SUGCT: variants seen among roughly 807,000 people sequenced by gnomAD.
SUGCT encodes succinyl-CoA:glutarate-CoA transferase.
A neutral mutation model predicts 55.0 loss-of-function variants in SUGCT; 41 were observed. That is an observed-to-expected ratio of 0.74 (90% CI 0.58 to 0.97). SUGCT has a LOEUF of 0.97. Ranked by LOEUF, SUGCT falls within the 50% of genes least tolerant of loss-of-function variation. SUGCT has a pLI of 0.00. For synonymous variants in SUGCT, 187 were observed against 200.4 expected (o/e 0.93, Z 0.56); for missense variants, 568 against 547.8 (o/e 1.04, Z -0.37).
At chr7:40,874,367 A>C in the SUGCT span, among the ~76,000 whole-genome samples, 1 of 152,336 alleles carries the variant, frequency 6.6e-6, no homozygotes, top group South Asian at 2.1e-4. Flanking sequence ...GAGAGATAGT[A>C]GTCTTGTATG....
the SUGCT span, among the ~76,000 whole-genome samples, chr7:40,896,240 G>A: frequency 6.6e-6 from 1 of 151,980 alleles, no homozygotes; most frequent in Admixed American, 6.5e-5. Context: ...TCCCATTTAT[G>A]ACAGCATTAA....
At chr7:40,806,224 A>C (rs1371418799) in intron 13 of SUGCT, among the ~76,000 whole-genome samples, 1 of 152,170 alleles carries the variant, frequency 6.6e-6, no homozygotes, top group Non-Finnish European at 1.5e-5. Context: ...TTTTGTTCTC[A>C]AAGGTTCCCA....
chr7:40,226,379 G>GA (rs529440034), intron 6 of SUGCT, among the ~76,000 whole-genome samples: 304 of 152,208 alleles, frequency 2.0e-3, no homozygotes, highest in African/African-American at 6.9e-3. Context: ...CAGGTCAATA[G>GA]AAAAAATGAA....
At chr7:40,281,167 T>G (rs950914930) in intron 8 of SUGCT, among the ~76,000 whole-genome samples, 2 of 152,232 alleles carry the variant, frequency 1.3e-5, no homozygotes, top group African/African-American at 4.8e-5. Flanking sequence ...TAAAGTCTTG[T>G]GGGTCTTAAG....
intron 12 of SUGCT, among the ~76,000 whole-genome samples, chr7:40,608,377 G>A (rs1798619447): frequency 1.3e-5 from 2 of 152,028 alleles, no homozygotes; most frequent in East Asian, 1.9e-4. Context: ...GGTCATTTTC[G>A]TAGGGTAACT....
intron 8 of SUGCT, among the ~76,000 whole-genome samples, chr7:40,312,643 G>T (rs139529662): frequency 2.5e-4 from 38 of 152,296 alleles, no homozygotes; most frequent in Middle Eastern, 3.4e-3. Context: ...AAGTGCAGTA[G>T]AAATCAGATA....
intron 9 of SUGCT, among the ~76,000 whole-genome samples, chr7:40,366,483 C>T (rs1240266175): frequency 6.6e-6 from 1 of 152,028 alleles, no homozygotes; most frequent in African/African-American, 2.4e-5. Flanking sequence ...AGGCAACCTA[C>T]AAAATGGGAG....
intron 1 of SUGCT, among the ~76,000 whole-genome samples, chr7:40,169,430 C>A (rs1410143162): frequency 6.6e-6 from 1 of 152,116 alleles, no homozygotes; most frequent in African/African-American, 2.4e-5. Flanking sequence ...GTCAAGCATA[C>A]CTGGGGCTCT....
intron 13 of SUGCT, among the ~76,000 whole-genome samples, chr7:40,812,700 G>T (rs1791485788): frequency 6.6e-6 from 1 of 151,894 alleles, no homozygotes; most frequent in Admixed American, 6.6e-5. Flanking sequence ...TCTTTGTTTG[G>T]ATTTTGGGGT....
At chr7:40,873,647 T>C in the SUGCT span, among the ~76,000 whole-genome samples, 2 of 152,206 alleles carry the variant, frequency 1.3e-5, no homozygotes, top group African/African-American at 4.8e-5. Flanking sequence ...TCCAGTTTAT[T>C]CTGGTTATAA....
intron 12 of SUGCT, among the ~76,000 whole-genome samples, chr7:40,684,843 G>T (rs1440796413): frequency 6.6e-6 from 1 of 152,088 alleles, no homozygotes; most frequent in East Asian, 1.9e-4. Flanking sequence ...GGTTGTTTTT[G>T]TTGTTGAGAC....
At chr7:40,654,234 A>G (rs950919151) in intron 12 of SUGCT, among the ~76,000 whole-genome samples, 4 of 152,174 alleles carry the variant, frequency 2.6e-5, no homozygotes, top group African/African-American at 2.4e-5. Context: ...GTTGTCACTT[A>G]TGAGAATGAA....
At chr7:40,315,888 T>G (rs1238830667) in intron 8 of SUGCT, among the ~76,000 whole-genome samples, 1 of 152,206 alleles carries the variant, frequency 6.6e-6, no homozygotes, top group African/African-American at 2.4e-5. Flanking sequence ...TCTGTGGTGG[T>G]GGAGCCATAA....
the SUGCT span, among the ~76,000 whole-genome samples, chr7:40,872,284 G>A: frequency 1.3e-5 from 2 of 151,964 alleles, no homozygotes; most frequent in Non-Finnish European, 2.9e-5. Context: ...GGCTCATTGC[G>A]GTATAATTGA....
the SUGCT span, among the ~76,000 whole-genome samples, chr7:41,025,480 C>T: frequency 6.6e-6 from 1 of 151,916 alleles, no homozygotes; most frequent in Admixed American, 6.6e-5. Flanking sequence ...AGCGATTCTC[C>T]TGCCTCAGCC....
At chr7:40,722,016 C>T (rs1027087326) in intron 12 of SUGCT, among the ~76,000 whole-genome samples, 4 of 152,188 alleles carry the variant, frequency 2.6e-5, no homozygotes, top group Admixed American at 6.5e-5. Flanking sequence ...GGAAGAAAAC[C>T]TATCCATTTA....
chr7:40,304,904 T>A (rs1204790559), intron 8 of SUGCT, among the ~76,000 whole-genome samples: 3 of 152,158 alleles, frequency 2.0e-5, no homozygotes, highest in African/African-American at 7.2e-5. Flanking sequence ...CATCCCTTTA[T>A]AATTATGATT....
intron 12 of SUGCT, among the ~76,000 whole-genome samples, chr7:40,744,076 C>A (rs1234214558): frequency 1.3e-5 from 2 of 151,758 alleles, no homozygotes; most frequent in Admixed American, 1.3e-4. Context: ...CACACACCAC[C>A]ACACCTGGCT....
intron 12 of SUGCT, among the ~76,000 whole-genome samples, chr7:40,682,381 G>T (rs896921045): frequency 1.3e-5 from 2 of 152,330 alleles, no homozygotes; most frequent in Middle Eastern, 3.4e-3. Flanking sequence ...AACCCAAGAA[G>T]GGGGACCAGG....
Sources: allele counts gnomAD v4.1 joint callset (sites outside exome capture counted in the v4.1 genomes callset), GRCh38; gene constraint gnomAD v4.1.1; transcripts MANE v1.5; gene names NCBI Gene and HGNC (gene_info 2026-07-23, HGNC 2026-07-21).